Variants in CYSTM1 observed in about 807,000 individuals in gnomAD.
CYSTM1 encodes the protein cysteine rich transmembrane module containing 1.
Under a neutral mutation model 13.1 loss-of-function variants are expected in CYSTM1, and 4 were observed. That is an observed-to-expected ratio of 0.31 (90% CI 0.15 to 0.70). The LOEUF (loss-of-function observed/expected upper bound fraction) is 0.70. Among genes scored for constraint, CYSTM1 ranks in the 30% least tolerant of loss-of-function variants. The probability of loss-of-function intolerance (pLI) is 0.72; values close to 1 mark genes in which losing one functional copy is unlikely to be tolerated. For synonymous variants in CYSTM1, 36 were observed against 42.7 expected (o/e 0.84, Z 0.62); for missense variants, 96 against 121.6 (o/e 0.79, Z 0.99).
At chr5:140,192,882 C>CA (rs898674516) in intron 1 of CYSTM1, among the ~76,000 whole-genome samples, 13 of 152,038 alleles carry the variant, frequency 8.6e-5, no homozygotes, top group African/African-American at 3.1e-4. Flanking sequence ...ACATGAACTA[C>CA]AGGAAGAATG....
chr5:140,206,876 C>T (rs916634730), intron 2 of CYSTM1, among the ~76,000 whole-genome samples: 3 of 152,150 alleles, frequency 2.0e-5, no homozygotes, highest in Non-Finnish European at 4.4e-5. Context: ...CTCAAGTGAT[C>T]TGCCCGCCTC....
chr5:140,216,780 C>T (rs150221154), intron 2 of CYSTM1, among the ~76,000 whole-genome samples: 4 of 152,180 alleles, frequency 2.6e-5, no homozygotes, highest in East Asian at 3.9e-4. Flanking sequence ...CCTTGTGTAG[C>T]CAGGCTGGGA....
intron 2 of CYSTM1, among the ~76,000 whole-genome samples, chr5:140,206,956 G>A (rs551654198): frequency 6.6e-6 from 1 of 152,230 alleles, no homozygotes; most frequent in South Asian, 2.1e-4. Flanking sequence ...TCTAAACTGA[G>A]GATAATCCAT....
At chr5:140,178,862 A>G (rs567214386) in intron 1 of CYSTM1, among the ~76,000 whole-genome samples, 1 of 151,946 alleles carries the variant, frequency 6.6e-6, no homozygotes, top group Non-Finnish European at 1.5e-5. Context: ...TCAGCCTCCC[A>G]AAGTGCTGGG....
In CYSTM1 at chr5:140,217,576, A is replaced by T. The variant is rs141876975; in HGVS notation, c.187+22924A>T. Among the ~76,000 whole-genome samples, 4 of 152,282 alleles carry T rather than the reference A, an allele frequency of 2.6e-5. No individual in the cohort carries two copies. In the East Asian group the frequency reaches 7.7e-4, roughly 29 times the overall value. ...TTTGGAATAAAGTGATGGCCCTGAT[A>T]TCAAGGACTACCCTCAGCCCCTTTC... is the stretch of plus-strand genomic sequence containing the variant. On this transcript the variant is annotated intron_variant, in intron 2 of 2. Transcript: ENST00000261811.
intron 2 of CYSTM1, among the ~76,000 whole-genome samples, chr5:140,203,715 T>C (rs1391337175): frequency 6.6e-6 from 1 of 152,208 alleles, no homozygotes; most frequent in Non-Finnish European, 1.5e-5. Context: ...GTGAATTGGT[T>C]AGAAAGTCAT....
At chr5:140,176,145 G>A (rs1337458049) in intron 1 of CYSTM1, among the ~76,000 whole-genome samples, 1 of 152,166 alleles carries the variant, frequency 6.6e-6, no homozygotes, top group Non-Finnish European at 1.5e-5. Flanking sequence ...TGTGCTGTGG[G>A]GAGCCATTGA....
chr5:140,223,484 G>A (rs1764512978), intron 2 of CYSTM1, among the ~76,000 whole-genome samples: 1 of 152,234 alleles, frequency 6.6e-6, no homozygotes, highest in African/African-American at 2.4e-5. Flanking sequence ...GGAAGAGGAG[G>A]GAATGTCAGC....
intron 1 of CYSTM1, among the ~76,000 whole-genome samples, chr5:140,188,257 G>T (rs78107200): frequency 2.9e-3 from 444 of 151,680 alleles, no homozygotes; most frequent in Middle Eastern, 0.014. Flanking sequence ...GGGGGGAAGG[G>T]GGGAGGGTAG....
Position 140,194,447 on chromosome 5 carries a change from T to TGC in CYSTM1, c.-18_-17dup. ...ATTTTCATTCTTTTTGTCTCTTAGG[T>TGC]GCACTTTACAGGTCCCCGATGAACC... On this transcript the variant is annotated splice_region_variant and 5_prime_UTR_variant, in exon 2 of 3. Transcript: ENST00000261811. 6.5e-7 allele frequency: 1 copy of TGC among 1,548,782 alleles called. No individual in the cohort carries two copies. Among genetic ancestry groups the TGC allele is most frequent in the African/African-American group, 1.4e-5 (1 of 71,526 alleles).
At chr5:140,242,538 A>G (rs1013750654) in intron 2 of CYSTM1, among the ~76,000 whole-genome samples, 1 of 152,238 alleles carries the variant, frequency 6.6e-6, no homozygotes, top group Non-Finnish European at 1.5e-5. Context: ...GCCATTTAAA[A>G]TATGTCCTTA....
intron 1 of CYSTM1, among the ~76,000 whole-genome samples, chr5:140,186,521 G>T (rs148524327): frequency 6.6e-6 from 1 of 152,314 alleles, no homozygotes; most frequent in East Asian, 1.9e-4. Context: ...ACTTCTATTA[G>T]AATCTTTCTC....
intron 2 of CYSTM1, among the ~76,000 whole-genome samples, chr5:140,195,816 G>A (rs986053415): frequency 6.0e-5 from 9 of 151,064 alleles, no homozygotes; most frequent in African/African-American, 1.2e-4. Flanking sequence ...AGGCCAAGGC[G>A]GGCAGATCAC....
At chr5:140,184,383 T>G (rs1243723113) in intron 1 of CYSTM1, among the ~76,000 whole-genome samples, 1 of 117,128 alleles carries the variant, frequency 8.5e-6, no homozygotes, top group African/African-American at 3.2e-5. Flanking sequence ...GTGTATAAAG[T>G]TGGGTTTTTT....
intron 2 of CYSTM1, among the ~76,000 whole-genome samples, chr5:140,207,232 T>C (rs996570739): frequency 1.3e-5 from 2 of 152,194 alleles, no homozygotes; most frequent in Non-Finnish European, 2.9e-5. Context: ...CCGTCTTCTC[T>C]GGCCCCTCAA....
chr5:140,227,947 CCTT>C (rs1274923872), intron 2 of CYSTM1, among the ~76,000 whole-genome samples: 2 of 152,100 alleles, frequency 1.3e-5, no homozygotes, highest in African/African-American at 4.8e-5. Context: ...GTGTGTATAT[CCTT>C]CTTATTGTAC....
intron 2 of CYSTM1, among the ~76,000 whole-genome samples, chr5:140,210,606 C>T (rs977194333): frequency 6.6e-6 from 1 of 151,862 alleles, no homozygotes; most frequent in African/African-American, 2.4e-5. Context: ...CTCTGCCTCC[C>T]AAGGCTCAAA....
rs1397346761 is a variant in CYSTM1 at position 140,239,663 on chromosome 5, G to A, written c.188-3642G>A. Among the ~76,000 whole-genome samples, 1 of 152,220 alleles carries A rather than the reference G, an allele frequency of 6.6e-6. No individual in the cohort carries two copies. The highest frequency in any genetic ancestry group is 1.5e-5 in the Non-Finnish European group (1 of 68,040). On this transcript the variant is annotated intron_variant, in intron 2 of 2. Transcript: ENST00000261811. This position sits in a 1 kb window ranked among gnomAD's most constrained non-coding sequence, Gnocchi z 5.4. ...TAGCCTGGGCTCCTGGGCCACATCT[G>A]TGTGCTCACGCACCTCTCCCTGCAC...
chr5:140,243,438 G>T lies in CYSTM1; in HGVS notation c.*27G>T, dbSNP rs1275947149. On this transcript the variant is annotated 3_prime_UTR_variant, in exon 3 of 3. Transcript: ENST00000261811. ...CAGACCAGCCCAGCCGTCCTGTCCT[G>T]CCAGCTCTGCTGCCACCTCTGACAG... 1 of 1,601,166 alleles carries T rather than the reference G, an allele frequency of 6.2e-7. No individual in the cohort carries two copies. The highest frequency in any genetic ancestry group is 8.5e-7 in the Non-Finnish European group (1 of 1,170,720).
Sources: allele counts gnomAD v4.1 joint callset (sites outside exome capture counted in the v4.1 genomes callset), GRCh38; gene constraint gnomAD v4.1.1; non-coding constraint Gnocchi (gnomAD v3.1); transcripts MANE v1.5; gene names NCBI Gene and HGNC (gene_info 2026-07-23, HGNC 2026-07-21).